ACRV1: variants seen among roughly 807,000 people sequenced by gnomAD.
The protein encoded by ACRV1 is acrosomal vesicle protein 1.
In ACRV1, 17 loss-of-function variants were observed where a neutral mutation model predicts 29.2. The ratio of observed to expected loss-of-function variants is 0.58; its 90% CI spans 0.40 to 0.87. The LOEUF (loss-of-function observed/expected upper bound fraction) is 0.87, where lower values mean the gene tolerates loss of function less well. Ranked by LOEUF, ACRV1 falls within the 40% of genes least tolerant of loss-of-function variation. The probability of loss-of-function intolerance (pLI) is 0.00; values close to 1 mark genes in which losing one functional copy is unlikely to be tolerated. For missense variants in ACRV1, 294 were observed against 316.0 expected, an observed-to-expected ratio of 0.93 and a Z score of 0.53; for synonymous variants, 98 against 111.6, an observed-to-expected ratio of 0.88 and a Z score of 0.77.
intron 3 of ACRV1, among the ~76,000 whole-genome samples, chr11:125,673,036 GTC>G (rs1009137308): frequency 6.6e-6 from 1 of 151,932 alleles, no homozygotes; most frequent in African/African-American, 2.4e-5. Flanking sequence ...CCTTCCCAGA[GTC>G]TGCCTATCCT....
intron 1 of ACRV1, among the ~76,000 whole-genome samples, chr11:125,679,415 G>A (rs752562126): frequency 2.0e-5 from 3 of 151,752 alleles, no homozygotes; most frequent in Admixed American, 6.6e-5. Context: ...ACAGGGTCTC[G>A]CCATGTTGGC....
At chr11:125,678,491 G>GT (rs1942632861) in intron 1 of ACRV1, among the ~76,000 whole-genome samples, 194 bp from the exon 2 acceptor site, 1 of 152,166 alleles carries the variant, frequency 6.6e-6, no homozygotes, top group Admixed American at 6.5e-5. Context: ...GAAGTGTTTA[G>GT]TGAAACAAAC....
chr11:125,676,656 ATTCT>A (rs1251407841), intron 2 of ACRV1, among the ~76,000 whole-genome samples, 178 bp from the exon 3 acceptor site: 2 of 152,126 alleles, frequency 1.3e-5, no homozygotes, highest in African/African-American at 4.8e-5. Context: ...AAATTCCTTC[ATTCT>A]TCTTCATCTC....
At chr11:125,679,540 C>G (rs183398926) in intron 1 of ACRV1, among the ~76,000 whole-genome samples, 2 of 152,270 alleles carry the variant, frequency 1.3e-5, no homozygotes, top group Admixed American at 1.3e-4. Context: ...CATTGACTGT[C>G]AGACAAATAT....
chr11:125,676,447 A>G lies in ACRV1; in HGVS notation c.585T>C (p.Tyr195=). The change falls in exon 3 of 4, where the codon TAT becomes TAC. Residue 195 remains tyrosine (Y), a synonymous_variant. Transcript: ENST00000533904. ...GTILNCYTCA[Y]MNDQGKCLRG... is the part of the protein sequence containing the mutation. ...GAAGACATTTTCCTTGATCATTCAT[A>G]TAAGCACATGTGTAGCAATTTAATA... 1 of 1,614,186 alleles carries G rather than the reference A, an allele frequency of 6.2e-7. No individual in the cohort carries two copies. Among genetic ancestry groups the G allele is most frequent in the Non-Finnish European group, 8.5e-7 (1 of 1,180,012 alleles).
chr11:125,672,607 A>C lies in ACRV1; in HGVS notation c.784T>G (p.Cys262Gly). The C allele has an allele frequency of 6.2e-7, 1 of 1,614,078 alleles. No homozygotes were observed. The change falls in exon 4 of 4, where the codon TGC (cysteine) becomes GGC (glycine). Residue 262 changes from cysteine to glycine, a missense_variant. Physicochemically the swap from Cys to Gly is radical, Grantham distance 159 (BLOSUM62 -3). Coordinates refer to ENST00000533904, the MANE Select transcript of ACRV1 (RefSeq NM_001612.6). ...QIICCRNQSF[C>G]NKI ...GGCCCAGGCTTCTAGATCTTATTGC[A>C]GAAAGATTGATTTCGACAGCATATA...
intron 3 of ACRV1, 55 bp downstream of exon 3, chr11:125,676,304 A>C: frequency 6.2e-7 from 1 of 1,600,570 alleles, no homozygotes; most frequent in Non-Finnish European, 8.5e-7. Flanking sequence ...GCCCCCTACC[A>C]GAAGTAAGTT....
At chr11:125,680,332 T>C (rs1183056191) in intron 1 of ACRV1, among the ~76,000 whole-genome samples, 1 of 152,166 alleles carries the variant, frequency 6.6e-6, no homozygotes, top group Non-Finnish European at 1.5e-5. Flanking sequence ...TGAGGTTGTT[T>C]TCTGAACACA....
intron 3 of ACRV1, among the ~76,000 whole-genome samples, chr11:125,675,658 A>G (rs1942467843): frequency 6.6e-6 from 1 of 152,194 alleles, no homozygotes; most frequent in Non-Finnish European, 1.5e-5. Flanking sequence ...ACTTGTAGAC[A>G]GTTGTTTATT....
At chr11:125,673,956 C>T (rs1442244655) in intron 3 of ACRV1, among the ~76,000 whole-genome samples, 3 of 152,096 alleles carry the variant, frequency 2.0e-5, no homozygotes, top group Non-Finnish European at 4.4e-5. Context: ...GCCAGGAGTT[C>T]AAGACCAGCC....
rs76114742 is a variant in ACRV1 at position 125,676,379 on chromosome 11, A to G, written c.653T>C (p.Met218Thr). The G allele has an allele frequency of 5.6e-6, 9 of 1,614,168 alleles. No homozygotes were observed. The highest frequency in any genetic ancestry group is 6.8e-6 in the Non-Finnish European group (8 of 1,180,018). Residue 218 changes from methionine to threonine, a missense_variant, in exon 3 of 4, where the codon ATG becomes ACG. By Grantham distance (81) the Met-to-Thr change is moderately conservative. Transcript: ENST00000533904. Reference protein sequence around the residue: ...TCITQNSQQCMLKKIFEGGKL... With the variant: ...TCITQNSQQCTLKKIFEGGKL... ...TATACCTTCAAAGATCTTCTTTAAC[A>G]TGCACTGCTGGGAATTCTGAGTGAT...
At chr11:125,679,212 C>CTTTTTTTTTTTTTTTTTTTTT (rs1337479067) in intron 1 of ACRV1, among the ~76,000 whole-genome samples, 1 of 74,418 alleles carries the variant, frequency 1.3e-5, no homozygotes, top group African/African-American at 4.6e-5. Context: ...TAATCCGTCT[C>CTTTTTTTTTTTTTTTTTTTTT]TTTCTTTTTT....
Position 125,672,340 on chromosome 11 carries a change from A to T in ACRV1, c.*253T>A. ...GGTCTGTCTTGAGCCTGTGTGCTTT[A>T]ACCATGTGAAATTTATTGAAAAAAA... On this transcript the variant is annotated 3_prime_UTR_variant, in exon 4 of 4. Transcript: ENST00000533904. 2.3e-6 allele frequency: 1 copy of T among 440,436 alleles called. No individual in the cohort carries two copies. The highest frequency in any genetic ancestry group is 4.0e-6 in the Non-Finnish European group (1 of 247,316). 27.3% of individuals were successfully genotyped at this position (440,436 alleles called of 1,614,324 possible).
chr11:125,677,976 G>T lies in ACRV1; in HGVS notation c.374C>A (p.Ser125Tyr), dbSNP rs748761030. ...AAGCTCACTCAAAGGCTGTTCTCCG[G>T]AGAGGTGTTCACCTGAAGGCTGTTC... Reference protein sequence around the residue: ...SGEQPSGEHLSGEQPLSELES... With the variant: ...SGEQPSGEHLYGEQPLSELES... Residue 125 changes from serine to tyrosine, a missense_variant, in exon 2 of 4, where the codon TCC (serine) becomes TAC (tyrosine). Ser to Tyr is a moderately radical substitution (Grantham distance 144, BLOSUM62 -2). Transcript: ENST00000533904. 1.2e-6 allele frequency: 2 copies of T among 1,612,532 alleles called. No homozygotes were observed. The highest frequency in any genetic ancestry group is 1.7e-6 in the Non-Finnish European group (2 of 1,178,772).
chr11:125,674,939 C>T (rs1198432906), intron 3 of ACRV1, among the ~76,000 whole-genome samples: 5 of 152,160 alleles, frequency 3.3e-5, no homozygotes, highest in Admixed American at 6.5e-5. Context: ...GCTCTTTTTC[C>T]TATTTACATC....
chr11:125,679,006 A>C (rs1361556027), intron 1 of ACRV1, among the ~76,000 whole-genome samples: 1 of 144,548 alleles, frequency 6.9e-6, no homozygotes, highest in Non-Finnish European at 1.5e-5. Flanking sequence ...ATAGACACAC[A>C]CACATATATG....
At position 125,680,748 on chromosome 11, in the gene ACRV1, A is replaced by G. The variant is rs747915447; in HGVS notation, c.33T>C (p.Tyr11=). 1.9e-6 allele frequency: 3 copies of G among 1,613,798 alleles called. No individual in the cohort carries two copies. The Admixed American group carries it at 5.0e-5, about 27-fold the overall frequency. The change falls in exon 1 of 4, where the codon TAT becomes TAC. Residue 11 remains tyrosine (Y), a synonymous_variant. Transcript: ENST00000533904. ...ACTCACCTCTGGCAGATCCAAGCAG[A>G]TAAAGACTCATTAGCAAGAGAAACC... MNRFLLLMSL[Y]LLGSARGTSS...
At chr11:125,673,641 A>C (rs1942324628) in intron 3 of ACRV1, among the ~76,000 whole-genome samples, 1 of 152,204 alleles carries the variant, frequency 6.6e-6, no homozygotes, top group Non-Finnish European at 1.5e-5. Context: ...CCTCCATGCC[A>C]ATATGCTAAG....
chr11:125,677,941 C>G lies in ACRV1; in HGVS notation c.409G>C (p.Glu137Gln). ...GAAGGCTGTTCATCTGAAGGCTGTT[C>G]ACCTGACTCAAGCTCACTCAAAGGC... ...EQPLSELESG[E>Q]QPSDEQPSGE... Residue 137 changes from glutamate (E) to glutamine (Q), a missense_variant, in exon 2 of 4, where the codon GAA becomes CAA. By Grantham distance (29) the Glu-to-Gln change is conservative. Coordinates refer to ENST00000533904, the MANE Select transcript of ACRV1 (RefSeq NM_001612.6). 2.5e-6 allele frequency: 4 copies of G among 1,612,580 alleles called. No homozygotes were observed. Among genetic ancestry groups the G allele is most frequent in the Non-Finnish European group, 3.4e-6 (4 of 1,178,796 alleles).
Sources: allele counts gnomAD v4.1 joint callset (sites outside exome capture counted in the v4.1 genomes callset), GRCh38; gene constraint gnomAD v4.1.1; transcripts MANE v1.5; gene names NCBI Gene and HGNC (gene_info 2026-07-23, HGNC 2026-07-21).